The following POU2F2 variants were observed in gnomAD, a reference collection of about 807,000 sequenced individuals.
The protein encoded by POU2F2 is POU class 2 homeobox 2.
Under a neutral mutation model 63.5 loss-of-function variants are expected in POU2F2, and 14 were observed. The observed-to-expected ratio is 0.22, with a 90% confidence interval of 0.15 to 0.34. The LOEUF (loss-of-function observed/expected upper bound fraction) is 0.34. Ranked by LOEUF, POU2F2 falls within the 10% of genes least tolerant of loss-of-function variation. POU2F2 has a pLI of 1.00. For missense variants in POU2F2, 607 were observed against 815.2 expected, an observed-to-expected ratio of 0.74 and a Z score of 3.11; for synonymous variants, 306 against 348.6, an observed-to-expected ratio of 0.88 and a Z score of 1.36.
intron 4 of POU2F2, among the ~76,000 whole-genome samples, chr19:42,120,592 C>A (rs928870467): frequency 6.6e-6 from 1 of 152,130 alleles, no homozygotes; most frequent in African/African-American, 2.4e-5. Context: ...TTAGACCCTT[C>A]GGCACACAAG....
chr19:42,149,254 C>T (rs1264497625), intron 2 of POU2F2, among the ~76,000 whole-genome samples: 1 of 152,194 alleles, frequency 6.6e-6, no homozygotes, highest in African/African-American at 2.4e-5. Flanking sequence ...CCCTCAGTTC[C>T]CAGCTCCATC....
chr19:42,196,255 G>T (rs1446801055), intron 1 of POU2F2: 1 of 152,132 alleles, frequency 6.6e-6, no homozygotes, highest in Non-Finnish European at 1.5e-5. Context: ...TGTCTCACAT[G>T]ATCTCCTTGT....
In POU2F2 at chr19:42,092,001, C is replaced by A; in HGVS notation, c.1467-61G>T. On this transcript the variant is annotated intron_variant, in intron 13 of 14. Coordinates refer to ENST00000692977, the MANE Select transcript of POU2F2 (RefSeq NM_001394376.1). This position sits in a 1 kb window ranked among gnomAD's most constrained non-coding sequence, Gnocchi z 5.0. The stretch of plus-strand genomic sequence containing the variant: ...GGGACCTGCCAACATAACTGGGGTG[C>A]CGCTCCCCACCCTAGAAGCAGCAGC... 1.3e-6 allele frequency: 2 copies of A among 1,537,356 alleles called. No homozygotes were observed. The highest frequency in any genetic ancestry group is 8.8e-7 in the Non-Finnish European group (1 of 1,140,014).
chr19:42,126,535 C>G (rs1277644277), intron 1 of POU2F2, among the ~76,000 whole-genome samples: 1 of 152,096 alleles, frequency 6.6e-6, no homozygotes, highest in Non-Finnish European at 1.5e-5. Flanking sequence ...ACCAGTGGAC[C>G]ACAAGCCAAG....
chr19:42,140,635 A>G (rs2034108739), intron 2 of POU2F2, among the ~76,000 whole-genome samples: 1 of 151,668 alleles, frequency 6.6e-6, no homozygotes, highest in African/African-American at 2.4e-5. Flanking sequence ...GTCATGCTCC[A>G]CTCCATTCCC....
At position 42,091,338 on chromosome 19, in the gene POU2F2, GGAGGAT is replaced by G. The variant is rs751827611; in HGVS notation, c.1788_1793del (p.Ser600_Ser601del). 172 of 1,536,072 alleles carry G rather than the reference GGAGGAT, an allele frequency of 1.1e-4. 1 individual carries two copies. The Admixed American group carries it at 3.4e-3, about 30-fold the overall frequency. ...CCGTCTCGCTGCAAGTGGAGGAGGA[GGAGGAT>G]GAGGATGAAGAGGATGAGGAGGAGA... On this transcript the variant is annotated inframe_deletion, in exon 15 of 15. Transcript: ENST00000692977.
intron 2 of POU2F2, among the ~76,000 whole-genome samples, chr19:42,140,144 G>A (rs2034097680): frequency 6.6e-6 from 1 of 152,254 alleles, no homozygotes; most frequent in Admixed American, 6.5e-5. Context: ...TGAATGACCT[G>A]TGGGAGCAGG....
At chr19:42,132,241 G>A (rs1474821699) in intron 1 of POU2F2, 143 bp downstream of exon 1, 7 of 908,806 alleles carry the variant, frequency 7.7e-6, no homozygotes, top group African/African-American at 3.6e-5. Context: ...GCGGGGACCC[G>A]GCATGGGAGA....
chr19:42,122,962 G>A (rs925969571), intron 1 of POU2F2, among the ~76,000 whole-genome samples: 1 of 152,188 alleles, frequency 6.6e-6, no homozygotes, highest in Non-Finnish European at 1.5e-5. Flanking sequence ...CCTGGGGCGG[G>A]CCGCCCAGGC....
At chr19:42,195,392 G>T (rs1238521546) in intron 1 of POU2F2, among the ~76,000 whole-genome samples, 1 of 145,896 alleles carries the variant, frequency 6.9e-6, no homozygotes, top group African/African-American at 2.6e-5. Flanking sequence ...GAGTGCAGTG[G>T]CGCAATCTCG....
intron 1 of POU2F2, among the ~76,000 whole-genome samples, chr19:42,193,749 C>G (rs1028845430): frequency 7.2e-5 from 11 of 152,212 alleles, no homozygotes; most frequent in African/African-American, 2.7e-4. Flanking sequence ...TCCAGCAATT[C>G]TATTTCCAGG....
chr19:42,177,694 A>G (rs2034912245), upstream of POU2F2, among the ~76,000 whole-genome samples: 1 of 151,148 alleles, frequency 6.6e-6, no homozygotes, highest in Admixed American at 6.6e-5. Flanking sequence ...AGACACACGG[A>G]CACACAGTAA....
intron 2 of POU2F2, among the ~76,000 whole-genome samples, chr19:42,146,048 A>AG (rs1205169034): frequency 6.6e-5 from 10 of 151,268 alleles, no homozygotes; most frequent in African/African-American, 2.4e-4. Context: ...AAAAAAAAAA[A>AG]AAAAGAAAAA....
At chr19:42,145,434 T>C (rs1394717134) in intron 2 of POU2F2, among the ~76,000 whole-genome samples, 1 of 152,228 alleles carries the variant, frequency 6.6e-6, no homozygotes, top group Non-Finnish European at 1.5e-5. Flanking sequence ...GAAGGTGCTC[T>C]ACATTGATTC....
intron 1 of POU2F2, among the ~76,000 whole-genome samples, chr19:42,175,025 G>A (rs547506709): frequency 6.6e-6 from 1 of 152,214 alleles, no homozygotes; most frequent in African/African-American, 2.4e-5. Context: ...TCTCTCAGAT[G>A]GACTTCCGCC....
At chr19:42,184,296 CTG>C (rs2034992242) in intron 1 of POU2F2, among the ~76,000 whole-genome samples, 2 of 152,166 alleles carry the variant, frequency 1.3e-5, no homozygotes, top group Non-Finnish European at 1.5e-5. Context: ...TGGGCCAAGA[CTG>C]GGGATTTCTA....
chr19:42,108,706 T>C (rs1182840676), intron 5 of POU2F2, among the ~76,000 whole-genome samples: 1 of 152,198 alleles, frequency 6.6e-6, no homozygotes, highest in Non-Finnish European at 1.5e-5. Context: ...AGCGGCAGCA[T>C]GGCCCTCTGA....
rs1237955934 is a variant in POU2F2, at chr19:42,119,442, G to A, written c.187-2010C>T. Among the ~76,000 whole-genome samples, 4 of 152,228 alleles carry A rather than the reference G, an allele frequency of 2.6e-5. 1 individual carries two copies. The highest frequency in any genetic ancestry group is 4.1e-4 in the South Asian group (2 of 4,834). On this transcript the variant is annotated intron_variant, in intron 4 of 14. Transcript: ENST00000692977. ...TAATCCCAGCACTTTGGGAGCCAAG[G>A]TGGGAGGATCACTTGAGGTCTGGAG... is the stretch of plus-strand genomic sequence containing the variant.
Position 42,153,332 on chromosome 19 carries a change from A to C in POU2F2, c.-9+7000T>G, listed in dbSNP as rs1018492750. On this transcript the variant is annotated intron_variant, in intron 2 of 6. Transcript: ENST00000524801. The surrounding 1 kb of genome is among the most constrained non-coding windows in gnomAD (Gnocchi z 5.6). ...ACTGGGTGGCTGTGTATGCACTTCC[A>C]TGAGTGTTTCCCTGACGCTAAGTCT... Among the ~76,000 whole-genome samples, 2 of 152,116 alleles carry C rather than the reference A, an allele frequency of 1.3e-5. No homozygotes were observed. The highest frequency in any genetic ancestry group is 2.9e-5 in the Non-Finnish European group (2 of 68,004).
Sources: gnomAD v4.1 joint callset for allele counts (sites outside exome capture counted in the v4.1 genomes callset) on GRCh38, gnomAD v4.1.1 for gene constraint, Gnocchi (gnomAD v3.1) non-coding constraint, MANE v1.5 for transcripts, NCBI Gene and HGNC (gene_info 2026-07-23, HGNC 2026-07-21) for gene names.